Variants in VAV3 observed in about 807,000 individuals in gnomAD.
VAV3 encodes guanine nucleotide exchange factor VAV3.
A neutral mutation model predicts 131.2 loss-of-function variants in VAV3; 94 were observed. The observed-to-expected ratio is 0.72, with a 90% CI of 0.61 to 0.85. VAV3 has a LOEUF of 0.85. Among genes scored for constraint, VAV3 ranks in the 40% least tolerant of loss-of-function variants. VAV3 has a pLI of 0.00. For synonymous variants in VAV3, 349 were observed against 342.0 expected (o/e 1.02, Z -0.22); for missense variants, 939 against 1,002.7 (o/e 0.94, Z 0.86).
At chr1:107,578,743 G>T (rs1649831990) in intron 25 of VAV3, 1 of 984,422 alleles carries the variant, frequency 1.0e-6, no homozygotes, top group Non-Finnish European at 1.2e-6. Flanking sequence ...CGAGTAGCTG[G>T]GACTGTTTTC....
chr1:107,698,244 C>T lies in VAV3; in HGVS notation c.1705+6306G>A, dbSNP rs1215671662. ...AACGGTATGAAAGTCACATGCATTCCGTAGAAACTAGACTTTAATATTTGA... is the reference window on the plus strand; with the variant it reads ...AACGGTATGAAAGTCACATGCATTCTGTAGAAACTAGACTTTAATATTTGA... On this transcript the variant is annotated intron_variant, in intron 17 of 26. Transcript: ENST00000370056. Among the ~76,000 whole-genome samples the T allele has an allele frequency of 3.9e-5, 6 of 152,098 alleles. No individual in the cohort carries two copies. In the South Asian group the frequency reaches 6.2e-4, roughly 16 times the overall value.
intron 2 of VAV3, among the ~76,000 whole-genome samples, chr1:107,840,132 T>C (rs1451300838): frequency 6.6e-6 from 1 of 152,192 alleles, no homozygotes; most frequent in Admixed American, 6.5e-5. Flanking sequence ...GAAAGAATAC[T>C]TCCTAAAGTT....
chr1:107,789,625 T>C (rs577724255), intron 2 of VAV3, among the ~76,000 whole-genome samples: 2 of 152,318 alleles, frequency 1.3e-5, no homozygotes, highest in African/African-American at 4.8e-5. Flanking sequence ...GAAATGCAGA[T>C]AAATGAATTC....
At chr1:107,822,155 T>C (rs1409018355) in intron 2 of VAV3, among the ~76,000 whole-genome samples, 1 of 152,120 alleles carries the variant, frequency 6.6e-6, no homozygotes, top group Admixed American at 6.5e-5. Flanking sequence ...GCAAAACTCC[T>C]GGTGGGTGAG....
intron 2 of VAV3, among the ~76,000 whole-genome samples, chr1:107,828,327 G>C (rs1378322841): frequency 6.6e-6 from 1 of 152,212 alleles, no homozygotes; most frequent in Non-Finnish European, 1.5e-5. Flanking sequence ...CTGTAAGGCA[G>C]AAGGCCTGAG....
chr1:107,918,523 A>G (rs981312540), intron 1 of VAV3, among the ~76,000 whole-genome samples: 14 of 152,212 alleles, frequency 9.2e-5, no homozygotes, highest in Non-Finnish European at 1.9e-4. Context: ...ATGATGAAAG[A>G]GGCCAAAGAA....
chr1:107,843,797 T>C (rs998474146), intron 2 of VAV3, among the ~76,000 whole-genome samples: 1 of 151,940 alleles, frequency 6.6e-6, no homozygotes, highest in Non-Finnish European at 1.5e-5. Flanking sequence ...TGTTCAGTTG[T>C]GACAGATAAT....
intron 9 of VAV3, among the ~76,000 whole-genome samples, chr1:107,761,214 C>T: frequency 6.6e-6 from 1 of 151,818 alleles, no homozygotes; most frequent in Non-Finnish European, 1.5e-5. Context: ...ATGGTGAAAC[C>T]CCATCTCTAC....
At chr1:107,660,478 G>A (rs1337356773) in intron 19 of VAV3, among the ~76,000 whole-genome samples, 3 of 152,094 alleles carry the variant, frequency 2.0e-5, no homozygotes, top group African/African-American at 7.2e-5. Flanking sequence ...AAAGAAAGAC[G>A]GAAATACGCA....
At chr1:107,651,739 T>C (rs1268576895) in intron 19 of VAV3, among the ~76,000 whole-genome samples, 1 of 152,108 alleles carries the variant, frequency 6.6e-6, no homozygotes, top group Non-Finnish European at 1.5e-5. Context: ...TTCAATCTTA[T>C]AATGTTTGAC....
intron 2 of VAV3, among the ~76,000 whole-genome samples, chr1:107,822,949 A>T (rs536961331): frequency 1.4e-4 from 22 of 152,340 alleles, no homozygotes; most frequent in African/African-American, 5.3e-4. Context: ...AAGACAAGTA[A>T]GCAAATAAAC....
At chr1:107,935,375 G>A (rs887976003) in intron 1 of VAV3, among the ~76,000 whole-genome samples, 5 of 152,150 alleles carry the variant, frequency 3.3e-5, no homozygotes, top group Non-Finnish European at 7.3e-5. Context: ...TATCAAAGAA[G>A]TAAATATATA....
chr1:107,592,864 T>C (rs1250038773), intron 25 of VAV3, among the ~76,000 whole-genome samples: 1 of 152,096 alleles, frequency 6.6e-6, no homozygotes, highest in African/African-American at 2.4e-5. Flanking sequence ...ATACAAGCCC[T>C]ACAGGTAAAC....
At position 107,603,036 on chromosome 1, in the gene VAV3, G is replaced by C. The variant is rs552661712; in HGVS notation, c.2132+11C>G. 2.1e-5 allele frequency: 34 copies of C among 1,584,966 alleles called. 1 individual carries two copies. The South Asian group carries it at 3.5e-4, about 17-fold the overall frequency. On this transcript the variant is annotated intron_variant, in intron 23 of 26. Transcript: ENST00000370056. ...GAAATCTATTTCTGTAAAAGTACTT[G>C]TCCTACTTACTTAATGCTAATTGCA...
chr1:107,829,206 A>T (rs998864657), intron 2 of VAV3, among the ~76,000 whole-genome samples: 1 of 152,216 alleles, frequency 6.6e-6, no homozygotes, highest in African/African-American at 2.4e-5. Flanking sequence ...CTCCAGAGCA[A>T]ATGAAAGGGG....
intron 2 of VAV3, among the ~76,000 whole-genome samples, chr1:107,812,219 G>C (rs1033752151): frequency 6.6e-6 from 1 of 152,166 alleles, no homozygotes; most frequent in Non-Finnish European, 1.5e-5. Context: ...AATGCTGTCA[G>C]ATACTGCTGG....
intron 19 of VAV3, among the ~76,000 whole-genome samples, chr1:107,664,138 A>T (rs1488838456): frequency 6.6e-6 from 1 of 152,034 alleles, no homozygotes; most frequent in Non-Finnish European, 1.5e-5. Flanking sequence ...ATGTTTTCTA[A>T]ATTTTTCACC....
At chr1:107,853,516 T>A (rs1222266494) in intron 2 of VAV3, among the ~76,000 whole-genome samples, 1 of 151,976 alleles carries the variant, frequency 6.6e-6, no homozygotes, top group African/African-American at 2.4e-5. Context: ...TGAAAATGTA[T>A]CACCTTCTGT....
At chr1:107,573,951 C>A in intron 26 of VAV3, 96 bp downstream of exon 26, 1 of 1,497,340 alleles carries the variant, frequency 6.7e-7, no homozygotes, top group Non-Finnish European at 9.0e-7. Context: ...AGCTGTAATA[C>A]AGTATAGAGG....
Sources: allele counts gnomAD v4.1 joint callset (sites outside exome capture counted in the v4.1 genomes callset), GRCh38; gene constraint gnomAD v4.1.1; transcripts MANE v1.5; gene names NCBI Gene and HGNC (gene_info 2026-07-23, HGNC 2026-07-21).